AUNIP: variants seen among roughly 807,000 people sequenced by gnomAD.
The protein encoded by AUNIP is aurora kinase A- and ninein-interacting protein.
In AUNIP, 16 loss-of-function variants were observed where a neutral mutation model predicts 12.2. That is an observed-to-expected ratio of 1.31 (90% CI 0.88 to 1.99). The LOEUF (loss-of-function observed/expected upper bound fraction) is 1.99. AUNIP is among the 30% of genes most tolerant of loss of function. AUNIP has a pLI of 0.00. For synonymous variants in AUNIP, 142 were observed against 154.8 expected (o/e 0.92, Z 0.61); for missense variants, 411 against 419.1 (o/e 0.98, Z 0.17).
At chr1:25,849,167 C>T (rs1241222695) in intron 1 of AUNIP, among the ~76,000 whole-genome samples, 1 of 152,214 alleles carries the variant, frequency 6.6e-6, no homozygotes, top group Non-Finnish European at 1.5e-5. Flanking sequence ...TAATGTCCCA[C>T]TGCACTCCCA....
intron 1 of AUNIP, among the ~76,000 whole-genome samples, chr1:25,850,722 C>T (rs1213723838): frequency 1.3e-5 from 2 of 152,110 alleles, no homozygotes; most frequent in Non-Finnish European, 2.9e-5. Context: ...TAAAATCCTA[C>T]CATACGGAAG....
chr1:25,852,505 C>G (rs573977475), intron 1 of AUNIP, among the ~76,000 whole-genome samples: 45 of 141,958 alleles, frequency 3.2e-4, no homozygotes, highest in African/African-American at 1.1e-3. Context: ...GTTGCCCAGG[C>G]TGGAGTTCAC....
At position 25,852,640 on chromosome 1, in the gene AUNIP, G is replaced by A. The variant is rs761430808; in HGVS notation, c.78+6640C>T. The stretch of plus-strand genomic sequence containing the variant: ...TTTTTAGTAGAGACAGGGTTTCGCC[G>A]TGTTGGCCAGGTTGGTCTTAAACTC... On this transcript the variant is annotated intron_variant, in intron 1 of 2. Coordinates refer to ENST00000374298, the MANE Select transcript of AUNIP (RefSeq NM_024037.3). Among the ~76,000 whole-genome samples, 15 of 151,548 alleles carry A rather than the reference G, an allele frequency of 9.9e-5. No homozygotes were observed. In the East Asian group the frequency reaches 2.0e-3, roughly 20 times the overall value.
downstream of AUNIP, chr1:25,832,113 A>C (rs1557446655): frequency 6.2e-7 from 1 of 1,605,800 alleles, no homozygotes; most frequent in Non-Finnish European, 8.5e-7. Flanking sequence ...CTGCCTCTTA[A>C]GGATAGATCT....
In AUNIP at chr1:25,835,676, C is replaced by A; in HGVS notation, c.391G>T (p.Gly131Ter). Residue 131 changes from glycine to a stop codon, truncating the protein, a stop_gained, in exon 3 of 3, where the codon GGA becomes TGA. Transcript: ENST00000374298. LOFTEE classifies it low-confidence loss of function (END_TRUNC). ...GTCTGGAGGGACTGAGGAGAGAGTC[C>A]AGCTTCCTGGATGTCTGCAGTGGTT... ...TSTTADIQEA[G>*]LSPQSLQTSG... The A allele has an allele frequency of 2.5e-6, 4 of 1,614,172 alleles. No homozygotes were observed. Among genetic ancestry groups the A allele is most frequent in the Non-Finnish European group, 3.4e-6 (4 of 1,180,036 alleles).
chr1:25,848,617 G>A (rs2048403847), intron 1 of AUNIP, among the ~76,000 whole-genome samples: 1 of 152,020 alleles, frequency 6.6e-6, no homozygotes, highest in African/African-American at 2.4e-5. Context: ...GGGAGCTTTG[G>A]GCCACACCAA....
intron 1 of AUNIP, among the ~76,000 whole-genome samples, chr1:25,854,953 C>CTTTTTTT (rs1159770557): frequency 6.6e-5 from 8 of 121,120 alleles, no homozygotes; most frequent in African/African-American, 2.0e-4. Flanking sequence ...AGAATTCTTT[C>CTTTTTTT]TTTTTTTTTT....
chr1:25,857,247 A>ATTTT (rs71004545), intron 1 of AUNIP, among the ~76,000 whole-genome samples: 1 of 125,232 alleles, frequency 8.0e-6, no homozygotes, highest in Non-Finnish European at 1.7e-5. Context: ...GCACATTTTG[A>ATTTT]TTTTTTTTTT....
rs756828555 is a variant in AUNIP, at chr1:25,835,214, T to G, written c.853A>C (p.Ser285Arg). The G allele has an allele frequency of 2.5e-6, 4 of 1,614,194 alleles. No homozygotes were observed. The Middle Eastern group carries it at 4.9e-4, about 200-fold the overall frequency. ...DNEKNDKDSWSQLFTEDSQGQ... is the reference protein window; with the variant it reads ...DNEKNDKDSWRQLFTEDSQGQ... ...TGAGAATCTTCAGTGAAAAGTTGAC[T>G]CCAGGAGTCCTTGTCATTCTTTTCA... The change falls in exon 3 of 3, where the codon AGT becomes CGT. Residue 285 changes from serine to arginine, a missense_variant. Coordinates refer to ENST00000374298, the MANE Select transcript of AUNIP (RefSeq NM_024037.3).
intron 1 of AUNIP, among the ~76,000 whole-genome samples, chr1:25,857,468 C>A (rs1182300192): frequency 6.7e-6 from 1 of 149,450 alleles, no homozygotes; most frequent in Admixed American, 6.7e-5. Context: ...AGGCCGGTCT[C>A]GAACTCCTGA....
At chr1:25,848,878 C>T (rs2565033) in intron 1 of AUNIP, among the ~76,000 whole-genome samples, 32,676 of 152,120 alleles carry the variant, frequency 0.21, 3,783 homozygotes, top group African/African-American at 0.27. Context: ...AGGAGGACAC[C>T]GGAAGATTTA....
chr1:25,844,812 C>T (rs1377201933), intron 1 of AUNIP, among the ~76,000 whole-genome samples: 1 of 152,154 alleles, frequency 6.6e-6, no homozygotes, highest in Non-Finnish European at 1.5e-5. Context: ...CTTTTAGAGT[C>T]ACTGAGAGCA....
rs966236670 is a variant in AUNIP, at chr1:25,834,907, C to G, written c.*86G>C. On this transcript the variant is annotated 3_prime_UTR_variant, in exon 3 of 3. Coordinates refer to ENST00000374298, the MANE Select transcript of AUNIP (RefSeq NM_024037.3). ...ATCCCATGCCACCTTCCCACCTAAA[C>G]AAACTCACTCCTCTCTCCACCCACA... The G allele has an allele frequency of 2.6e-6, 4 of 1,526,478 alleles. No homozygotes were observed. The African/African-American group carries it at 5.6e-5, about 21-fold the overall frequency. 94.6% of individuals were successfully genotyped at this position (1,526,478 alleles called of 1,614,324 possible).
chr1:25,837,345 A>C, intron 2 of AUNIP, 68 bp downstream of exon 2: 1 of 1,525,162 alleles, frequency 6.6e-7, no homozygotes, highest in Non-Finnish European at 8.9e-7. Context: ...AAATGGTCTA[A>C]CATGGACAAA....
At position 25,834,905 on chromosome 1, in the gene AUNIP, A is replaced by T; in HGVS notation, c.*88T>A. 5 of 1,526,466 alleles carry T rather than the reference A, an allele frequency of 3.3e-6. No individual in the cohort carries two copies. The highest frequency in any genetic ancestry group is 4.4e-6 in the Non-Finnish European group (5 of 1,142,668). 94.6% of individuals were successfully genotyped at this position (1,526,466 alleles called of 1,614,324 possible). A position where few individuals can be genotyped will look rare whatever the true frequency, so the allele number is the denominator to read the frequency against. The stretch of plus-strand genomic sequence containing the variant: ...TCATCCCATGCCACCTTCCCACCTA[A>T]ACAAACTCACTCCTCTCTCCACCCA... On this transcript the variant is annotated 3_prime_UTR_variant, in exon 3 of 3. Coordinates refer to ENST00000374298, the MANE Select transcript of AUNIP (RefSeq NM_024037.3).
At position 25,835,467 on chromosome 1, in the gene AUNIP, C is replaced by A; in HGVS notation, c.600G>T (p.Trp200Cys). Residue 200 changes from tryptophan to cysteine, a missense_variant, in exon 3 of 3, where the codon TGG becomes TGT. Coordinates refer to ENST00000374298, the MANE Select transcript of AUNIP (RefSeq NM_024037.3). The stretch of plus-strand genomic sequence containing the variant: ...GATAGTTCTTCTTAGACTCATGAAG[C>A]CATTCCCATTTCCTGGCAGAATCCC... ...EKGDSARKWE[W>C]LHESKKNYQS... The A allele has an allele frequency of 6.2e-7, 1 of 1,614,246 alleles. No homozygotes were observed. The highest frequency in any genetic ancestry group is 8.5e-7 in the Non-Finnish European group (1 of 1,180,056).
chr1:25,832,532 AATCACCCTCCTCACTTCC>A (rs2048260043), downstream of AUNIP: 1 of 217,132 alleles, frequency 4.6e-6, no homozygotes, highest in Non-Finnish European at 9.5e-6. Context: ...AATGCCCAGC[AATCACCCTCCTCACTTCC>A]TTGTCTAGAT....
In AUNIP at chr1:25,847,856, A is replaced by T. The variant is rs1366653341; in HGVS notation, c.79-10302T>A. ...GCTACTTGGGAGGCTGAGGTGAGAG[A>T]ATCGATTGAGCCCGGGAGGCAGAGG... is the stretch of plus-strand genomic sequence containing the variant. On this transcript the variant is annotated intron_variant, in intron 1 of 2. Coordinates refer to ENST00000374298, the MANE Select transcript of AUNIP (RefSeq NM_024037.3). This position sits in a 1 kb window ranked among gnomAD's most constrained non-coding sequence, Gnocchi z 4.2. 6.6e-6 allele frequency among the ~76,000 whole-genome samples: 1 copy of T among 152,060 alleles called. No homozygotes were observed. The highest frequency in any genetic ancestry group is 1.5e-5 in the Non-Finnish European group (1 of 68,018).
chr1:25,851,502 T>TAAAA (rs1404286083), intron 1 of AUNIP, among the ~76,000 whole-genome samples: 2 of 152,166 alleles, frequency 1.3e-5, no homozygotes, highest in Non-Finnish European at 2.9e-5. Flanking sequence ...GACCTGGACT[T>TAAAA]TTCTTTGCAG....
Sources: allele counts gnomAD v4.1 joint callset (sites outside exome capture counted in the v4.1 genomes callset), GRCh38; gene constraint gnomAD v4.1.1; non-coding constraint Gnocchi (gnomAD v3.1); transcripts MANE v1.5; gene names NCBI Gene and HGNC (gene_info 2026-07-23, HGNC 2026-07-21).